Variants in CDYL observed in about 807,000 individuals in gnomAD.
The protein encoded by CDYL is chromodomain Y like, also known as chromodomain Y-like protein.
A neutral mutation model predicts 47.3 loss-of-function variants in CDYL; 8 were observed. The observed-to-expected ratio is 0.17, with a 90% CI of 0.10 to 0.31. CDYL has a LOEUF of 0.31. CDYL is among the 10% of genes least tolerant of loss of function. The pLI, the probability that CDYL is intolerant of heterozygous loss-of-function variation, is 1.00. For missense variants in CDYL, 471 were observed against 701.4 expected (o/e 0.67, Z 3.71); for synonymous variants, 266 against 265.0 (o/e 1.00, Z -0.04).
intron 3 of CDYL, among the ~76,000 whole-genome samples, chr6:4,757,359 G>A (rs1446281129): frequency 3.9e-5 from 6 of 152,298 alleles, no homozygotes; most frequent in South Asian, 4.2e-4. Context: ...ATGATACATG[G>A]TAGAGGACAG....
chr6:4,802,396 T>G (rs911110577), intron 1 of CDYL, among the ~76,000 whole-genome samples: 1 of 152,008 alleles, frequency 6.6e-6, no homozygotes, highest in African/African-American at 2.4e-5. Context: ...AAAACTTAGC[T>G]GAGTGTGATG....
chr6:4,831,992 T>G (rs1760159413), intron 1 of CDYL, among the ~76,000 whole-genome samples: 1 of 152,104 alleles, frequency 6.6e-6, no homozygotes, highest in Non-Finnish European at 1.5e-5. Context: ...TGATGGGGTT[T>G]TCTAGATATA....
At chr6:4,815,918 T>C (rs1759661731) in intron 1 of CDYL, among the ~76,000 whole-genome samples, 1 of 151,812 alleles carries the variant, frequency 6.6e-6, no homozygotes, top group South Asian at 2.1e-4. Flanking sequence ...AAAAGTCCTT[T>C]TCTTTATCAA....
intron 3 of CDYL, among the ~76,000 whole-genome samples, chr6:4,738,968 C>G (rs1432940121): frequency 6.6e-6 from 1 of 151,994 alleles, no homozygotes. Flanking sequence ...TCAAGCCCAG[C>G]CTGACCAACA....
intron 1 of CDYL, among the ~76,000 whole-genome samples, chr6:4,710,371 G>A (rs138328342): frequency 8.5e-5 from 3 of 35,458 alleles, no homozygotes; most frequent in East Asian, 8.9e-3. Context: ...GAAGGAGGGA[G>A]GGAGGGAGGG....
chr6:4,931,310 G>A (rs1005270507), intron 2 of CDYL, among the ~76,000 whole-genome samples: 1 of 152,176 alleles, frequency 6.6e-6, no homozygotes, highest in Admixed American at 6.5e-5. Flanking sequence ...TGGGTGCTTT[G>A]AAGGAAATAA....
intron 3 of CDYL, among the ~76,000 whole-genome samples, chr6:4,760,994 G>A (rs752026214): frequency 3.9e-5 from 6 of 152,000 alleles, no homozygotes; most frequent in Non-Finnish European, 5.9e-5. Context: ...AAAGTGTTAC[G>A]TAACTCCAGG....
chr6:4,752,554 C>T (rs1264719925), intron 3 of CDYL, among the ~76,000 whole-genome samples: 7 of 152,078 alleles, frequency 4.6e-5, no homozygotes, highest in African/African-American at 7.2e-5. Context: ...CTAACACAAA[C>T]GATTACCCTG....
intron 1 of CDYL, among the ~76,000 whole-genome samples, chr6:4,834,988 G>C (rs1042808748): frequency 7.2e-5 from 11 of 151,786 alleles, no homozygotes; most frequent in African/African-American, 2.7e-4. Context: ...AATTTTTTTT[G>C]AAGTTTTTAA....
chr6:4,906,748 A>G (rs951613875), intron 2 of CDYL, among the ~76,000 whole-genome samples: 1 of 152,210 alleles, frequency 6.6e-6, no homozygotes, highest in Non-Finnish European at 1.5e-5. Flanking sequence ...ACCAAGAGGA[A>G]GAGTGGTGTA....
chr6:4,826,515 C>T (rs1170363275), intron 1 of CDYL, among the ~76,000 whole-genome samples: 1 of 152,136 alleles, frequency 6.6e-6, no homozygotes, highest in Non-Finnish European at 1.5e-5. Context: ...TGACCACTGC[C>T]TTCACTACAT....
chr6:4,755,852 TG>T (rs1758066214), intron 3 of CDYL, among the ~76,000 whole-genome samples: 1 of 152,222 alleles, frequency 6.6e-6, no homozygotes, highest in South Asian at 2.1e-4. Flanking sequence ...TCATGTTAAG[TG>T]GTCTCCCAAA....
chr6:4,897,650 C>T (rs930291234), intron 2 of CDYL, among the ~76,000 whole-genome samples: 5 of 152,098 alleles, frequency 3.3e-5, no homozygotes, highest in Non-Finnish European at 5.9e-5. Flanking sequence ...GGTGTGGTGG[C>T]TCACACTTGT....
chr6:4,776,822 C>A lies in CDYL; in HGVS notation c.24+15C>A. On this transcript the variant is annotated intron_variant, in intron 1 of 6. Coordinates refer to ENST00000397588, the MANE Select transcript of CDYL (RefSeq NM_004824.4). ...AGCTGTACGAGGTACCTCCCCTCCC[C>A]CCGGCCTCGGGCCGCCCCCCGCCCG... is the stretch of plus-strand genomic sequence containing the variant. 9.7e-7 allele frequency: 1 copy of A among 1,028,480 alleles called. No individual in the cohort carries two copies. The highest frequency in any genetic ancestry group is 9.2e-5 in the East Asian group (1 of 10,920). 63.7% of individuals were successfully genotyped at this position (1,028,480 alleles called of 1,614,324 possible).
intron 1 of CDYL, among the ~76,000 whole-genome samples, chr6:4,712,960 C>T (rs1281292564): frequency 6.6e-6 from 1 of 152,168 alleles, no homozygotes; most frequent in East Asian, 1.9e-4. Flanking sequence ...GGCTTGCCAA[C>T]ACGGCAAGAC....
intron 1 of CDYL, among the ~76,000 whole-genome samples, chr6:4,891,508 A>G (rs544358331): frequency 1.3e-5 from 2 of 152,246 alleles, no homozygotes; most frequent in Non-Finnish European, 2.9e-5. Context: ...CGTTCTCAGC[A>G]TAAAAATTTA....
intron 4 of CDYL, among the ~76,000 whole-genome samples, chr6:4,941,857 G>A (rs1439278560): frequency 6.6e-6 from 1 of 152,118 alleles, no homozygotes; most frequent in Non-Finnish European, 1.5e-5. Flanking sequence ...ATAACAGTTT[G>A]CCTTCTGTTC....
At chr6:4,776,030 G>A (rs1294814662), upstream of CDYL, among the ~76,000 whole-genome samples, 1 of 149,984 alleles carries the variant, frequency 6.7e-6, no homozygotes, top group Non-Finnish European at 1.5e-5. Context: ...CTCGAACCTC[G>A]AGGTCCAGGT....
chr6:4,851,580 C>T (rs774315602), intron 1 of CDYL, among the ~76,000 whole-genome samples: 3 of 152,092 alleles, frequency 2.0e-5, no homozygotes, highest in South Asian at 2.1e-4. Flanking sequence ...ACGATTTGCT[C>T]GGCCGTTTGT....
Sources: gnomAD v4.1 joint callset for allele counts (sites outside exome capture counted in the v4.1 genomes callset) on GRCh38, gnomAD v4.1.1 for gene constraint, MANE v1.5 for transcripts, NCBI Gene and HGNC (gene_info 2026-07-23, HGNC 2026-07-21) for gene names.